Variants in PHACTR1 observed in about 807,000 individuals in gnomAD.
The protein encoded by PHACTR1 is RPEL repeat containing 1.
Under a neutral mutation model 69.2 loss-of-function variants are expected in PHACTR1, and 16 were observed. The observed-to-expected ratio is 0.23, with a 90% CI of 0.16 to 0.35. PHACTR1 has a LOEUF of 0.35. Ranked by LOEUF, PHACTR1 falls within the 10% of genes least tolerant of loss-of-function variation. The pLI is 1.00. For missense variants in PHACTR1, 510 were observed against 734.7 expected (o/e 0.69, Z 3.54); for synonymous variants, 312 against 284.5 (o/e 1.10, Z -0.97).
At chr6:12,966,075 TG>T (rs2127574885) in intron 4 of PHACTR1, among the ~76,000 whole-genome samples, 1 of 152,060 alleles carries the variant, frequency 6.6e-6, no homozygotes, top group East Asian at 1.9e-4. Context: ...ACTGCACAAG[TG>T]GAGGGCTACG....
intron 5 of PHACTR1, among the ~76,000 whole-genome samples, chr6:13,109,914 G>C (rs1378194749): frequency 1.3e-5 from 2 of 151,186 alleles, no homozygotes; most frequent in East Asian, 3.9e-4. Context: ...CAAGTTCGCT[G>C]ATCTTTTCTT....
chr6:13,149,779 T>G (rs112613387), intron 5 of PHACTR1, among the ~76,000 whole-genome samples: 4,687 of 151,706 alleles, frequency 0.031, 254 homozygotes, highest in African/African-American at 0.11. Flanking sequence ...TTGAATGCAG[T>G]CCAACACAAA....
intron 4 of PHACTR1, among the ~76,000 whole-genome samples, chr6:12,770,359 G>C (rs545065230): frequency 6.6e-6 from 1 of 152,326 alleles, no homozygotes; most frequent in African/African-American, 2.4e-5. Flanking sequence ...ATTGTAAACA[G>C]ATGGTGACAT....
At chr6:12,729,970 G>GA (rs1763280369) in intron 3 of PHACTR1, among the ~76,000 whole-genome samples, 1 of 152,168 alleles carries the variant, frequency 6.6e-6, no homozygotes, top group Non-Finnish European at 1.5e-5. Context: ...CCTTCCCTGA[G>GA]AGGGAGAATA....
Position 13,060,751 on chromosome 6 carries a change from G to T in PHACTR1, c.415+7222G>T, listed in dbSNP as rs375813414. Among the ~76,000 whole-genome samples the T allele has an allele frequency of 5.3e-5, 8 of 150,916 alleles. No homozygotes were observed. The South Asian group carries it at 1.1e-3, about 20-fold the overall frequency. ...AACGTACAGGGTGAAGTCCATTCCA[G>T]ATTGATGATTATGACTCTACATGGT... On this transcript the variant is annotated intron_variant, in intron 5 of 14. Coordinates refer to ENST00000332995, the MANE Select transcript of PHACTR1 (RefSeq NM_030948.6).
intron 4 of PHACTR1, among the ~76,000 whole-genome samples, chr6:12,977,380 TCA>T (rs67391969): frequency 0.69 from 102,706 of 149,166 alleles, 35,774 homozygotes; most frequent in East Asian, 0.94. Context: ...TCTCTCTCTT[TCA>T]CACACACACA....
intron 6 of PHACTR1, among the ~76,000 whole-genome samples, chr6:13,174,182 A>G (rs924353301): frequency 2.0e-4 from 30 of 152,234 alleles, no homozygotes; most frequent in Non-Finnish European, 4.0e-4. Context: ...GAGATGCACA[A>G]AGGGCATGTC....
chr6:12,773,106 G>A (rs1009870699), intron 4 of PHACTR1, among the ~76,000 whole-genome samples: 2 of 152,198 alleles, frequency 1.3e-5, no homozygotes, highest in Non-Finnish European at 2.9e-5. Flanking sequence ...CACAGCAGAA[G>A]TATCTCTTTT....
intron 5 of PHACTR1, among the ~76,000 whole-genome samples, chr6:13,120,772 T>C (rs1474360663): frequency 6.6e-6 from 1 of 152,210 alleles, no homozygotes; most frequent in Non-Finnish European, 1.5e-5. Flanking sequence ...CAAGACATCA[T>C]CTGCAAGGAC....
chr6:13,136,339 G>A (rs1198158338), intron 5 of PHACTR1, among the ~76,000 whole-genome samples: 1 of 152,170 alleles, frequency 6.6e-6, no homozygotes, highest in Non-Finnish European at 1.5e-5. Context: ...TAAAACTCAT[G>A]AATCAAACTC....
chr6:13,266,354 A>T (rs542353213), intron 10 of PHACTR1, among the ~76,000 whole-genome samples: 3 of 152,118 alleles, frequency 2.0e-5, no homozygotes, highest in African/African-American at 7.2e-5. Flanking sequence ...TCTCCATATA[A>T]TAACCAGCAT....
At chr6:13,079,263 A>G (rs1811014069) in intron 5 of PHACTR1, among the ~76,000 whole-genome samples, 1 of 152,160 alleles carries the variant, frequency 6.6e-6, no homozygotes, top group South Asian at 2.1e-4. Context: ...CATCGCAGAG[A>G]TGGACAGATA....
intron 4 of PHACTR1, among the ~76,000 whole-genome samples, chr6:12,991,680 A>G (rs1347009155): frequency 6.6e-6 from 1 of 152,212 alleles, no homozygotes; most frequent in East Asian, 1.9e-4. Flanking sequence ...GATGAGGACC[A>G]CTATTGACAG....
intron 10 of PHACTR1, among the ~76,000 whole-genome samples, chr6:13,255,592 G>A (rs926862710): frequency 6.6e-6 from 1 of 152,190 alleles, no homozygotes; most frequent in East Asian, 1.9e-4. Flanking sequence ...GGGGGTATAG[G>A]CATTGGGTAA....
intron 4 of PHACTR1, among the ~76,000 whole-genome samples, chr6:13,045,107 G>C (rs1804813892): frequency 6.6e-6 from 1 of 152,164 alleles, no homozygotes; most frequent in African/African-American, 2.4e-5. Flanking sequence ...CAAAAAGCCA[G>C]ACTCTCACAC....
chr6:13,044,279 C>T (rs142284908), intron 4 of PHACTR1, among the ~76,000 whole-genome samples: 9 of 152,052 alleles, frequency 5.9e-5, no homozygotes, highest in East Asian at 5.8e-4. Flanking sequence ...TTCTTCTCAA[C>T]GCTTATGAAT....
intron 4 of PHACTR1, among the ~76,000 whole-genome samples, chr6:12,914,715 T>C (rs1426867133): frequency 1.3e-5 from 2 of 151,784 alleles, no homozygotes; most frequent in Admixed American, 1.3e-4. Context: ...CACGGTCAAC[T>C]GAAAAAAAGG....
intron 4 of PHACTR1, among the ~76,000 whole-genome samples, chr6:12,797,768 C>A (rs1201846183): frequency 1.3e-5 from 2 of 152,106 alleles, no homozygotes; most frequent in Non-Finnish European, 2.9e-5. Context: ...TCATTCTTCC[C>A]TGGGGGTTTT....
At chr6:13,172,162 G>A (rs1438862027) in intron 6 of PHACTR1, among the ~76,000 whole-genome samples, 1 of 152,192 alleles carries the variant, frequency 6.6e-6, no homozygotes, top group East Asian at 1.9e-4. Context: ...GATTCTGTGA[G>A]ATTCAGACTA....
Sources: gnomAD v4.1 joint callset for allele counts (sites outside exome capture counted in the v4.1 genomes callset) on GRCh38, gnomAD v4.1.1 for gene constraint, MANE v1.5 for transcripts, NCBI Gene and HGNC (gene_info 2026-07-23, HGNC 2026-07-21) for gene names.